The following MYO1H variants were observed in gnomAD, a reference collection of about 807,000 sequenced individuals.
The protein encoded by MYO1H is unconventional myosin-Ih.
MYO1H carries 118 observed loss-of-function variants against 149.3 expected under a neutral mutation model. That is an observed-to-expected ratio of 0.79 (90% CI 0.68 to 0.92). The LOEUF is 0.92. Among genes scored for constraint, MYO1H ranks in the 40% least tolerant of loss-of-function variants. The pLI, the probability that MYO1H is intolerant of heterozygous loss-of-function variation, is 0.00. For missense variants in MYO1H, 1,212 were observed against 1,280.7 expected (o/e 0.95, Z 0.82); for synonymous variants, 447 against 465.2 (o/e 0.96, Z 0.50).
At chr12:109,396,063 C>G (rs552296862) in intron 3 of MYO1H, among the ~76,000 whole-genome samples, 1 of 152,068 alleles carries the variant, frequency 6.6e-6, no homozygotes, top group South Asian at 2.1e-4. Flanking sequence ...GGATTACAAG[C>G]ATGCACCACC....
At chr12:109,447,272 C>T in exon 32 of MYO1H, 1 of 1,160,576 alleles carries the variant, frequency 8.6e-7, no homozygotes, top group Non-Finnish European at 1.3e-6. Flanking sequence ...AGTTAGCTAC[C>T]TCTTCAAGGT....
chr12:109,395,831 G>A (rs887218171), intron 3 of MYO1H, among the ~76,000 whole-genome samples: 3 of 151,954 alleles, frequency 2.0e-5, no homozygotes, highest in African/African-American at 4.8e-5. Flanking sequence ...TCAGTGGGTC[G>A]TGGTAGAGGA....
intron 19 of MYO1H, among the ~76,000 whole-genome samples, chr12:109,430,014 A>C (rs1256506546): frequency 6.6e-6 from 1 of 152,236 alleles, no homozygotes; most frequent in Non-Finnish European, 1.5e-5. Context: ...CACTAATCTC[A>C]TTTATGAGTG....
chr12:109,364,874 A>G (rs1229822998), intron 1 of MYO1H, among the ~76,000 whole-genome samples: 1 of 152,172 alleles, frequency 6.6e-6, no homozygotes, highest in Admixed American at 6.5e-5. Flanking sequence ...CAGAATTAAT[A>G]CACAAGTATT....
chr12:109,441,554 C>G (rs1872129025), intron 25 of MYO1H, 61 bp from the exon 26 acceptor site: 3 of 1,141,242 alleles, frequency 2.6e-6, no homozygotes, highest in Non-Finnish European at 3.8e-6. Flanking sequence ...GGGTCTAGAG[C>G]TCTTCTATCC....
the MYO1H span, among the ~76,000 whole-genome samples, chr12:109,328,078 T>C: frequency 6.6e-6 from 1 of 151,008 alleles, no homozygotes; most frequent in African/African-American, 2.4e-5. Context: ...TGTCAAGATG[T>C]TTTGGTCTCT....
At chr12:109,312,456 C>CA in the MYO1H span, among the ~76,000 whole-genome samples, 1 of 152,132 alleles carries the variant, frequency 6.6e-6, no homozygotes, top group African/African-American at 2.4e-5. Context: ...AAGATGGTCT[C>CA]AATCTCCTGA....
intron 1 of MYO1H, among the ~76,000 whole-genome samples, chr12:109,354,839 A>T (rs925939207): frequency 2.0e-5 from 3 of 152,294 alleles, no homozygotes; most frequent in African/African-American, 7.2e-5. Context: ...AGGGACTAGC[A>T]GTATCTTTTT....
chr12:109,436,677 G>A (rs1390354506), intron 22 of MYO1H, 121 bp downstream of exon 22: 8 of 667,918 alleles, frequency 1.2e-5, no homozygotes, highest in Middle Eastern at 2.4e-4. Flanking sequence ...GCTATCTTGG[G>A]GTCCAGTTCT....
In MYO1H at chr12:109,428,279, T is replaced by C. The variant is rs1046257775; in HGVS notation, c.1949+693T>C. Among the ~76,000 whole-genome samples the C allele has an allele frequency of 1.2e-4, 18 of 152,156 alleles. No homozygotes were observed. The East Asian group carries it at 3.1e-3, about 26-fold the overall frequency. The stretch of plus-strand genomic sequence containing the variant: ...GAGAAGCTAAGTCCATTTGTGACCG[T>C]AGGGCCTGGTTTAGTGCCTTAGCGC... On this transcript the variant is annotated intron_variant, in intron 19 of 31. Coordinates refer to ENST00000310903, the Ensembl canonical transcript of MYO1H.
intron 18 of MYO1H, among the ~76,000 whole-genome samples, chr12:109,426,991 A>T (rs892865222): frequency 3.9e-5 from 6 of 151,906 alleles, no homozygotes; most frequent in Admixed American, 3.9e-4. Context: ...CAGAAATTTA[A>T]TTTTTTCCTA....
the MYO1H span, among the ~76,000 whole-genome samples, chr12:109,318,959 C>T: frequency 4.9e-5 from 1 of 20,462 alleles, no homozygotes; most frequent in Non-Finnish European, 8.3e-5. Flanking sequence ...GAACTCTCTG[C>T]GTTTTTGGTT....
At chr12:109,446,137 T>G in intron 31 of MYO1H, 32 of 985,498 alleles carry the variant, frequency 3.2e-5, no homozygotes, top group Non-Finnish European at 3.9e-5. Context: ...CTGCCCATGT[T>G]AATACCTTTG....
intron 7 of MYO1H, among the ~76,000 whole-genome samples, chr12:109,405,214 TA>T (rs1045735352): frequency 6.6e-6 from 1 of 150,914 alleles, no homozygotes; most frequent in Non-Finnish European, 1.5e-5. Flanking sequence ...CCCTGTCTCT[TA>T]AAAAAAAAGA....
At chr12:109,447,208 A>G (rs1293585416) in exon 32 of MYO1H, 5 of 1,585,422 alleles carry the variant, frequency 3.2e-6, no homozygotes, top group Admixed American at 3.6e-5. Flanking sequence ...GACCTCTACC[A>G]TCGCCATTTT....
At chr12:109,433,102 G>A (rs747027699) in intron 20 of MYO1H, 92 bp downstream of exon 20, 3 of 978,662 alleles carry the variant, frequency 3.1e-6, no homozygotes, top group Non-Finnish European at 4.9e-6. Flanking sequence ...CTGGAGACTC[G>A]ATTCCTAGGG....
chr12:109,339,908 T>TGACAGTG, the MYO1H span, among the ~76,000 whole-genome samples: 1 of 152,220 alleles, frequency 6.6e-6, no homozygotes, highest in Non-Finnish European at 1.5e-5. Context: ...TATGACAGTG[T>TGACAGTG]TTAGCAAAAT....
chr12:109,332,644 C>T, the MYO1H span, among the ~76,000 whole-genome samples: 1 of 152,244 alleles, frequency 6.6e-6, no homozygotes, highest in Non-Finnish European at 1.5e-5. Context: ...GTGGTGCAAT[C>T]CTAGCACACT....
At chr12:109,343,950 A>C (rs377406230), upstream of MYO1H, among the ~76,000 whole-genome samples, 1 of 152,150 alleles carries the variant, frequency 6.6e-6, no homozygotes, top group Admixed American at 6.6e-5. Context: ...CCATGATCCC[A>C]TACAAGGTAC....
Sources: gnomAD v4.1 joint callset for allele counts (sites outside exome capture counted in the v4.1 genomes callset) on GRCh38, gnomAD v4.1.1 for gene constraint, MANE v1.5 for transcripts, NCBI Gene and HGNC (gene_info 2026-07-23, HGNC 2026-07-21) for gene names.